ATOSA: variants seen among roughly 807,000 people sequenced by gnomAD.
The protein encoded by ATOSA is atos homolog protein A.
the ATOSA span, among the ~76,000 whole-genome samples, chr15:52,619,531 T>C: frequency 2.6e-5 from 4 of 152,198 alleles, no homozygotes; most frequent in African/African-American, 9.7e-5. Context: ...TAGGCCTTCT[T>C]ACCAGTTACA....
chr15:52,667,953 A>G, the ATOSA span, among the ~76,000 whole-genome samples: 1 of 152,260 alleles, frequency 6.6e-6, no homozygotes, highest in Admixed American at 6.5e-5. Flanking sequence ...ACAGTTACAC[A>G]TGGTTGAGAC....
chr15:52,598,056 G>GGAGGTTGCAGTGAGCC, the ATOSA span, among the ~76,000 whole-genome samples: 1 of 152,066 alleles, frequency 6.6e-6, no homozygotes, highest in South Asian at 2.1e-4. Flanking sequence ...CCCAGGAGGC[G>GGAGGTTGCAGTGAGCC]GAGGTTGCAG....
the ATOSA span, among the ~76,000 whole-genome samples, chr15:52,671,466 T>C: frequency 1.8e-3 from 279 of 152,272 alleles, 1 homozygote; most frequent in East Asian, 0.025. Flanking sequence ...ATTAAACACC[T>C]ATGCACCTAC....
chr15:52,596,192 T>G, the ATOSA span, among the ~76,000 whole-genome samples: 8 of 152,234 alleles, frequency 5.3e-5, no homozygotes, highest in African/African-American at 1.7e-4. Context: ...AAAGAATATA[T>G]AAATAAATGA....
chr15:52,588,195 T>C, the ATOSA span, among the ~76,000 whole-genome samples: 11 of 152,184 alleles, frequency 7.2e-5, no homozygotes, highest in African/African-American at 2.4e-4. Context: ...AAGTCAAATA[T>C]ACATTTTAAC....
the ATOSA span, among the ~76,000 whole-genome samples, chr15:52,648,368 G>C: frequency 2.0e-4 from 30 of 152,064 alleles, no homozygotes; most frequent in East Asian, 5.6e-3. Flanking sequence ...TGTATTTTTG[G>C]GGGTACATGT....
At chr15:52,589,026 AT>A in the ATOSA span, among the ~76,000 whole-genome samples, 1 of 152,220 alleles carries the variant, frequency 6.6e-6, no homozygotes, top group Admixed American at 6.5e-5. Context: ...TGACATATGA[AT>A]TTACTCCAAG....
At chr15:52,698,122 G>A in the ATOSA span, among the ~76,000 whole-genome samples, 12 of 151,474 alleles carry the variant, frequency 7.9e-5, no homozygotes, top group South Asian at 2.1e-4. Flanking sequence ...GACTACAGGC[G>A]CGTGCCACCA....
At chr15:52,629,157 A>T in the ATOSA span, among the ~76,000 whole-genome samples, 3 of 152,176 alleles carry the variant, frequency 2.0e-5, no homozygotes, top group African/African-American at 7.2e-5. Context: ...TTTTAACTAA[A>T]GGTTTTTTAA....
chr15:52,670,337 A>C, the ATOSA span, among the ~76,000 whole-genome samples: 3 of 152,164 alleles, frequency 2.0e-5, no homozygotes, highest in African/African-American at 7.2e-5. Context: ...GTGCCAAACC[A>C]TATGTTCTCA....
chr15:52,697,072 G>A, the ATOSA span, among the ~76,000 whole-genome samples: 20 of 152,068 alleles, frequency 1.3e-4, no homozygotes, highest in African/African-American at 4.6e-4. Flanking sequence ...TGCTGACAAG[G>A]TTCTCCCATC....
At chr15:52,644,697 T>C in the ATOSA span, among the ~76,000 whole-genome samples, 1 of 152,214 alleles carries the variant, frequency 6.6e-6, no homozygotes, top group African/African-American at 2.4e-5. Context: ...GCCAATTGTT[T>C]TTCTATATTA....
At chr15:52,681,786 C>T in the ATOSA span, among the ~76,000 whole-genome samples, 1 of 152,194 alleles carries the variant, frequency 6.6e-6, no homozygotes, top group African/African-American at 2.4e-5. Context: ...TCTTCATCCC[C>T]TCAACTTTTA....
chr15:52,680,629 C>T, the ATOSA span, among the ~76,000 whole-genome samples: 1 of 152,102 alleles, frequency 6.6e-6, no homozygotes, highest in Non-Finnish European at 1.5e-5. Context: ...AGTAAAATAA[C>T]ATGTACAACT....
chr15:52,694,827 C>A, the ATOSA span, among the ~76,000 whole-genome samples: 1 of 152,024 alleles, frequency 6.6e-6, no homozygotes, highest in Non-Finnish European at 1.5e-5. Flanking sequence ...ATCTATTATA[C>A]CTTTTAAAAT....
At chr15:52,612,745 C>T in the ATOSA span, among the ~76,000 whole-genome samples, 46 of 152,010 alleles carry the variant, frequency 3.0e-4, no homozygotes, top group Non-Finnish European at 4.9e-4. Context: ...CCTCGTGATG[C>T]ACCCTCCTCA....
chr15:52,631,689 G>A, the ATOSA span, among the ~76,000 whole-genome samples: 1 of 152,126 alleles, frequency 6.6e-6, no homozygotes, highest in African/African-American at 2.4e-5. Context: ...CAAACTGAAA[G>A]CTACTGACGA....
the ATOSA span, chr15:52,611,071 C>A: frequency 6.6e-7 from 1 of 1,511,266 alleles, no homozygotes; most frequent in Non-Finnish European, 8.9e-7. Context: ...AAATGCCATT[C>A]GGTTGCTAAC....
At chr15:52,623,414 T>C in the ATOSA span, among the ~76,000 whole-genome samples, 6 of 152,014 alleles carry the variant, frequency 3.9e-5, no homozygotes, top group Non-Finnish European at 7.4e-5. Context: ...GTTGTAGGTA[T>C]AGTTTTGGGG....
Sources: gnomAD v4.1 joint callset for allele counts (sites outside exome capture counted in the v4.1 genomes callset) on GRCh38, gnomAD v4.1.1 for gene constraint, MANE v1.5 for transcripts, NCBI Gene and HGNC (gene_info 2026-07-23, HGNC 2026-07-21) for gene names.